Variants in GZMK observed in about 807,000 individuals in gnomAD.
The protein encoded by GZMK is granzyme K, also known as NK-Tryp-2.
Under a neutral mutation model 22.8 loss-of-function variants are expected in GZMK, and 18 were observed. The observed-to-expected ratio is 0.79, with a 90% CI of 0.54 to 1.17. The LOEUF (loss-of-function observed/expected upper bound fraction) is 1.17, where lower values mean the gene tolerates loss of function less well. GZMK is among the 50% of genes most tolerant of loss of function. GZMK has a pLI of 0.00. For synonymous variants in GZMK, 136 were observed against 115.0 expected, an observed-to-expected ratio of 1.18 and a Z score of -1.17; for missense variants, 342 against 320.2, an observed-to-expected ratio of 1.07 and a Z score of -0.52.
rs1285907626 is a variant in GZMK at position 55,030,241 on chromosome 5, G to A, written c.213-193G>A. 4 of 510,202 alleles carry A rather than the reference G, an allele frequency of 7.8e-6. No homozygotes were observed. In the South Asian group the frequency reaches 1.1e-4, roughly 14 times the overall value. The allele number at this position is 510,202 out of a possible 1,614,324, so 31.6% of individuals were successfully genotyped here. On this transcript the variant is annotated intron_variant, in intron 2 of 4. Coordinates refer to ENST00000231009, the MANE Select transcript of GZMK (RefSeq NM_002104.3). ...GAATTGGTTTAGGGTGGGATTAAGG[G>A]CAAGTCATTTGGCCCTTAATATCAA...
In GZMK at chr5:55,024,644, T is replaced by G. The variant is rs772792273; in HGVS notation, c.65-16T>G. 1.3e-6 allele frequency: 2 copies of G among 1,570,536 alleles called. No individual in the cohort carries two copies. The highest frequency in any genetic ancestry group is 1.7e-6 in the Non-Finnish European group (2 of 1,145,498). On this transcript the variant is annotated splice_polypyrimidine_tract_variant and intron_variant, in intron 1 of 4. Transcript: ENST00000231009. ...TTTAGATCTTTTGTGTGAAACCTTTTGGTCTACTTTTGTAGGTTTCAATAT... is the reference window on the plus strand; with the variant it reads ...TTTAGATCTTTTGTGTGAAACCTTTGGGTCTACTTTTGTAGGTTTCAATAT...
Position 55,024,766 on chromosome 5 carries a change from T to G in GZMK, c.171T>G (p.Ile57Met), listed in dbSNP as rs752600081. 6.2e-7 allele frequency: 1 copy of G among 1,610,894 alleles called. No homozygotes were observed. The highest frequency in any genetic ancestry group is 1.3e-5 in the African/African-American group (1 of 74,882). ...GGHHVCGGVL[I>M]DPQWVLTAAH... ...ATCACGTTTGTGGAGGTGTTCTGAT[T>G]GATCCACAGTGGGTGCTGACAGCAG... Residue 57 changes from isoleucine (I) to methionine (M), a missense_variant, in exon 2 of 5, where the codon ATT becomes ATG. Coordinates refer to ENST00000231009, the MANE Select transcript of GZMK (RefSeq NM_002104.3).
intron 1 of GZMK, 101 bp from the exon 2 acceptor site, chr5:55,024,558 GT>G (rs1741114485): frequency 1.1e-6 from 1 of 943,850 alleles, no homozygotes. Context: ...GGTTATTGTT[GT>G]TTTTTAAGCT....
rs762295925 is a variant in GZMK, at chr5:55,031,466, G to GCCA, written c.469_471dup (p.Thr157dup). ...CAAATGCAAGGTTACTGGCTGGGGA[G>GCCA]CCACCGATCCAGATTCATTAAGACC... On this transcript the variant is annotated inframe_insertion, in exon 4 of 5. Coordinates refer to ENST00000231009, the MANE Select transcript of GZMK (RefSeq NM_002104.3). The GCCA allele has an allele frequency of 6.2e-7, 1 of 1,614,058 alleles. No homozygotes were observed. The highest frequency in any genetic ancestry group is 8.5e-7 in the Non-Finnish European group (1 of 1,179,910).
chr5:55,034,143 TTTTATCACATGAAGTAATATC>T lies in GZMK; in HGVS notation c.*219_*239del. 2.1e-6 allele frequency: 1 copy of T among 485,432 alleles called. No homozygotes were observed. Among genetic ancestry groups the T allele is most frequent in the Non-Finnish European group, 3.6e-6 (1 of 276,850 alleles). 30.1% of individuals were successfully genotyped at this position (485,432 alleles called of 1,614,324 possible). A position where few individuals can be genotyped will look rare whatever the true frequency, so the allele number is the denominator to read the frequency against. The stretch of plus-strand genomic sequence containing the variant: ...AAATTTAGAAGACTCTCTGTTTGTC[TTTTATCACATGAAGTAATATC>T]TGCCCCCATTGCACCCACACTCGCC... On this transcript the variant is annotated 3_prime_UTR_variant, in exon 5 of 5. Coordinates refer to ENST00000231009, the MANE Select transcript of GZMK (RefSeq NM_002104.3).
chr5:55,028,195 C>A (rs1275011520), intron 2 of GZMK: 2 of 152,196 alleles, frequency 1.3e-5, no homozygotes, highest in Non-Finnish European at 2.9e-5. Context: ...TGAGAATCCA[C>A]CCTCCATACC....
intron 2 of GZMK, among the ~76,000 whole-genome samples, chr5:55,027,363 G>A (rs1157771067): frequency 6.6e-6 from 1 of 152,126 alleles, no homozygotes; most frequent in African/African-American, 2.4e-5. Flanking sequence ...TCTCTCTTAG[G>A]CAAGAGAAAT....
Position 55,031,606 on chromosome 5 carries a change from T to C in GZMK, c.606T>C (p.Asp202=), listed in dbSNP as rs749407552. The C allele has an allele frequency of 1.9e-6, 3 of 1,613,956 alleles. No individual in the cohort carries two copies. The highest frequency in any genetic ancestry group is 2.5e-6 in the Non-Finnish European group (3 of 1,179,818). The change falls in exon 4 of 5, where the codon GAT becomes GAC. Residue 202 remains aspartate, a synonymous_variant. Transcript: ENST00000231009. ...FITKDMVCAG[D]AKGQKDSCKG... ...CCAAAGACATGGTCTGTGCAGGAGATGCCAAAGGCCAGAAGGATTCCTGTA... is the reference window on the plus strand; with the variant it reads ...CCAAAGACATGGTCTGTGCAGGAGACGCCAAAGGCCAGAAGGATTCCTGTA...
In GZMK at chr5:55,030,282, A is replaced by G. The variant is rs963566234; in HGVS notation, c.213-152A>G. The G allele has an allele frequency of 7.7e-5, 51 of 664,010 alleles. No homozygotes were observed. In the African/African-American group the frequency reaches 7.8e-4, roughly 10 times the overall value. 41.1% of individuals were successfully genotyped at this position (664,010 alleles called of 1,614,324 possible). A position where few individuals can be genotyped will look rare whatever the true frequency, so the allele number is the denominator to read the frequency against. On this transcript the variant is annotated intron_variant, in intron 2 of 4. Transcript: ENST00000231009. Reference sequence around the variant, plus strand: ...TTAATATCAATTCATGCTGGGCTCCACTAAGACCTTTGTCACTCCACCTAA... The same window carrying G: ...TTAATATCAATTCATGCTGGGCTCCGCTAAGACCTTTGTCACTCCACCTAA...
chr5:55,024,291 T>A lies in GZMK; in HGVS notation c.-32T>A. 9.8e-7 allele frequency: 1 copy of A among 1,025,066 alleles called. No individual in the cohort carries two copies. Among genetic ancestry groups the A allele is most frequent in the Non-Finnish European group, 1.5e-6 (1 of 647,446 alleles). The allele number at this position is 1,025,066 out of a possible 1,614,324, so 63.5% of individuals were successfully genotyped here. ...TCCTTCATCACAGGATCAACACATT[T>A]CATCTGGGCTTCTTAAATCTAAATC... On this transcript the variant is annotated 5_prime_UTR_variant, in exon 1 of 5. Coordinates refer to ENST00000231009, the MANE Select transcript of GZMK (RefSeq NM_002104.3).
intron 4 of GZMK, among the ~76,000 whole-genome samples, chr5:55,032,038 T>G (rs1384258512): frequency 6.6e-6 from 1 of 152,154 alleles, no homozygotes; most frequent in Non-Finnish European, 1.5e-5. Context: ...TGCAAAAAGC[T>G]CAAATATACA....
intron 2 of GZMK, among the ~76,000 whole-genome samples, chr5:55,029,077 A>G (rs554196673): frequency 3.2e-4 from 48 of 152,284 alleles, no homozygotes; most frequent in Non-Finnish European, 5.1e-4. Flanking sequence ...TTTACTAAAA[A>G]TACAAAAATT....
At chr5:55,033,366 A>G (rs1249215393) in intron 4 of GZMK, among the ~76,000 whole-genome samples, 1 of 152,260 alleles carries the variant, frequency 6.6e-6, no homozygotes, top group Non-Finnish European at 1.5e-5. Context: ...TCAAAATGAA[A>G]TCTACAATTT....
At chr5:55,025,249 G>A (rs1053281652) in intron 2 of GZMK, 2 of 152,548 alleles carry the variant, frequency 1.3e-5, no homozygotes, top group Non-Finnish European at 2.9e-5. Flanking sequence ...ATTTTAGCAT[G>A]CTTGGCACAT....
chr5:55,033,683 G>T (rs1298413097), intron 4 of GZMK, 82 bp from the exon 5 acceptor site: 6 of 965,888 alleles, frequency 6.2e-6, no homozygotes, highest in East Asian at 2.5e-5. Flanking sequence ...ATAATCCCTT[G>T]AGCAATCAGC....
chr5:55,031,545 A>G lies in GZMK; in HGVS notation c.545A>G (p.Asn182Ser). The G allele has an allele frequency of 6.2e-7, 1 of 1,613,752 alleles. No individual in the cohort carries two copies. Among genetic ancestry groups the G allele is most frequent in the Non-Finnish European group, 8.5e-7 (1 of 1,179,604 alleles). The change falls in exon 4 of 5, where the codon AAC (asparagine) becomes AGC (serine). Residue 182 changes from asparagine (N) to serine (S), a missense_variant. Coordinates refer to ENST00000231009, the MANE Select transcript of GZMK (RefSeq NM_002104.3). ...TVTVLSRKLC[N>S]SQSYYNGDPF... ...ACTGTCCTAAGTCGAAAACTTTGCAACAGCCAAAGTTACTACAACGGCGAC... is the reference window on the plus strand; with the variant it reads ...ACTGTCCTAAGTCGAAAACTTTGCAGCAGCCAAAGTTACTACAACGGCGAC...
intron 2 of GZMK, chr5:55,025,077 T>C (rs1039128338): frequency 5.8e-5 from 15 of 257,582 alleles, no homozygotes; most frequent in Admixed American, 1.0e-4. Context: ...CAGTAATACT[T>C]GAAGCAGCAG....
At position 55,033,827 on chromosome 5, in the gene GZMK, T is replaced by A. The variant is rs149701231; in HGVS notation, c.696T>A (p.His232Gln). The A allele has an allele frequency of 8.1e-6, 13 of 1,613,842 alleles. No individual in the cohort carries two copies. The highest frequency in any genetic ancestry group is 9.3e-6 in the Non-Finnish European group (11 of 1,179,748). The stretch of plus-strand genomic sequence containing the variant: ...TCCACGCTATAGTCTCTGGAGGTCA[T>A]GAATGTGGTGTTGCCACAAAGCCTG... ...GVFHAIVSGG[H>Q]ECGVATKPGI... Residue 232 changes from histidine (H) to glutamine (Q), a missense_variant, in exon 5 of 5, where the codon CAT becomes CAA. By Grantham distance (24) the His-to-Gln change is conservative. Coordinates refer to ENST00000231009, the MANE Select transcript of GZMK (RefSeq NM_002104.3).
At chr5:55,031,705 C>G in intron 4 of GZMK, 72 bp downstream of exon 4, 2 of 1,268,852 alleles carry the variant, frequency 1.6e-6, no homozygotes, top group Non-Finnish European at 2.2e-6. Flanking sequence ...CTCACTGACA[C>G]TGAGGAGGAG....
Sources: gnomAD v4.1 joint callset for allele counts (sites outside exome capture counted in the v4.1 genomes callset) on GRCh38, gnomAD v4.1.1 for gene constraint, MANE v1.5 for transcripts, NCBI Gene and HGNC (gene_info 2026-07-23, HGNC 2026-07-21) for gene names.